The following PLCB1 variants were observed in gnomAD, a reference collection of about 807,000 sequenced individuals.
The protein encoded by PLCB1 is phospholipase C beta 1, also known as 1-phosphatidylinositol 4,5-bisphosphate phosphodiesterase beta-1.
A neutral mutation model predicts 161.8 loss-of-function variants in PLCB1; 46 were observed. The observed-to-expected ratio is 0.28, with a 90% CI of 0.22 to 0.36. The LOEUF is 0.36. Among genes scored for constraint, PLCB1 ranks in the 10% least tolerant of loss-of-function variants. PLCB1 has a pLI of 1.00. For missense variants in PLCB1, 1,016 were observed against 1,472.5 expected, an observed-to-expected ratio of 0.69 and a Z score of 5.07; for synonymous variants, 517 against 503.7, an observed-to-expected ratio of 1.03 and a Z score of -0.35.
intron 3 of PLCB1, among the ~76,000 whole-genome samples, chr20:8,471,453 G>T (rs1982049714): frequency 6.6e-6 from 1 of 152,162 alleles, no homozygotes; most frequent in Non-Finnish European, 1.5e-5. Context: ...CTCAGATTGT[G>T]ACAACTGGAC....
chr20:8,868,834 ATGT>A (rs1300528585), intron 31 of PLCB1, among the ~76,000 whole-genome samples: 1 of 151,980 alleles, frequency 6.6e-6, no homozygotes, highest in East Asian at 1.9e-4. Flanking sequence ...GGATTTCACC[ATGT>A]TGGCCAGGAT....
rs368328261 is a variant in PLCB1 at position 8,765,335 on chromosome 20, C to A, written c.2907C>A (p.Ser969=). 1 of 1,609,622 alleles carries A rather than the reference C, an allele frequency of 6.2e-7. No homozygotes were observed. The highest frequency in any genetic ancestry group is 8.5e-7 in the Non-Finnish European group (1 of 1,178,850). Residue 969 remains serine, a synonymous_variant, in exon 26 of 32, where the codon TCC becomes TCA. Transcript: ENST00000338037. The part of the protein sequence containing the change: ...YLRRRAALEK[S]AKKDSKKKSE... ...GAAGGAGAGCCGCTTTGGAAAAGTC[C>A]GCCAAAAAGGACAGTAAGAAAAAGT...
intron 22 of PLCB1, among the ~76,000 whole-genome samples, chr20:8,741,155 C>A (rs1288587092): frequency 6.6e-6 from 1 of 152,216 alleles, no homozygotes; most frequent in Non-Finnish European, 1.5e-5. Flanking sequence ...ATTCAGGGAT[C>A]CTGAGTTGAA....
intron 2 of PLCB1, among the ~76,000 whole-genome samples, chr20:8,275,694 T>C (rs899507547): frequency 9.9e-5 from 15 of 152,210 alleles, no homozygotes; most frequent in African/African-American, 3.1e-4. Flanking sequence ...GTTTTTATCT[T>C]CTGTCTTAAC....
chr20:8,271,534 TA>T (rs1982280560), intron 2 of PLCB1, among the ~76,000 whole-genome samples: 1 of 152,134 alleles, frequency 6.6e-6, no homozygotes, highest in Non-Finnish European at 1.5e-5. Flanking sequence ...TCATTGTTAT[TA>T]CTTTTTGAGT....
At chr20:8,137,203 T>C (rs2051358279) in intron 1 of PLCB1, among the ~76,000 whole-genome samples, 1 of 152,240 alleles carries the variant, frequency 6.6e-6, no homozygotes, top group South Asian at 2.1e-4. Flanking sequence ...TTAGAACTTT[T>C]GCATTATGTG....
chr20:8,253,924 A>T (rs2123228397), intron 2 of PLCB1, among the ~76,000 whole-genome samples: 1 of 152,140 alleles, frequency 6.6e-6, no homozygotes, highest in African/African-American at 2.4e-5. Context: ...CTCCAGCTGC[A>T]TCTATGTTGC....
chr20:8,670,556 T>G (rs143935755), intron 9 of PLCB1, among the ~76,000 whole-genome samples: 1 of 152,292 alleles, frequency 6.6e-6, no homozygotes, highest in East Asian at 1.9e-4. Flanking sequence ...ATAGCACAGT[T>G]TTTGCAATCA....
intron 3 of PLCB1, among the ~76,000 whole-genome samples, chr20:8,522,097 T>C (rs1984373806): frequency 6.6e-6 from 1 of 152,148 alleles, no homozygotes; most frequent in South Asian, 2.1e-4. Flanking sequence ...TCTGCTACTA[T>C]CCCCATGCAC....
intron 3 of PLCB1, among the ~76,000 whole-genome samples, chr20:8,385,952 G>A (rs1200316733): frequency 6.6e-6 from 1 of 152,186 alleles, no homozygotes; most frequent in Non-Finnish European, 1.5e-5. Flanking sequence ...CTCCTAGTTG[G>A]CCATCTTGGC....
intron 2 of PLCB1, among the ~76,000 whole-genome samples, chr20:8,191,581 G>A (rs995085477): frequency 6.6e-6 from 1 of 151,928 alleles, no homozygotes; most frequent in Non-Finnish European, 1.5e-5. Context: ...CAGTTGTGGT[G>A]TATGATTTTA....
intron 3 of PLCB1, among the ~76,000 whole-genome samples, chr20:8,497,244 T>G (rs1983217245): frequency 1.3e-5 from 2 of 152,200 alleles, no homozygotes; most frequent in South Asian, 4.1e-4. Context: ...CTTGGGTATA[T>G]ATGCTGCCTA....
rs552696921 is a variant in PLCB1 at position 8,862,062 on chromosome 20, A to G, written c.3424-19560A>G. Among the ~76,000 whole-genome samples, 24 of 152,308 alleles carry G rather than the reference A, an allele frequency of 1.6e-4. 1 individual carries two copies. The South Asian group carries it at 5.0e-3, about 32-fold the overall frequency. The stretch of plus-strand genomic sequence containing the variant: ...ATGTTATTATTTAATTATTATTTTA[A>G]TGCAAAAGCTATTTTCTTAAGGATA... On this transcript the variant is annotated intron_variant, in intron 31 of 31. Transcript: ENST00000338037.
At chr20:8,730,836 A>G (rs1980201577) in intron 18 of PLCB1, among the ~76,000 whole-genome samples, 1 of 151,608 alleles carries the variant, frequency 6.6e-6, no homozygotes, top group African/African-American at 2.4e-5. Context: ...TATTTATATT[A>G]TATTTTTAAC....
At chr20:8,796,650 A>G (rs529166703) in intron 31 of PLCB1, among the ~76,000 whole-genome samples, 51 of 152,322 alleles carry the variant, frequency 3.3e-4, no homozygotes, top group African/African-American at 1.2e-3. Flanking sequence ...TTTTGTCAAT[A>G]TAAAGAATTG....
chr20:8,737,602 C>G (rs987230127), intron 20 of PLCB1, among the ~76,000 whole-genome samples: 2 of 152,106 alleles, frequency 1.3e-5, no homozygotes, highest in Admixed American at 1.3e-4. Context: ...AATCTCTAGC[C>G]TCTGAGAGCT....
chr20:8,846,969 G>A (rs1248889992), intron 31 of PLCB1, among the ~76,000 whole-genome samples: 3 of 152,112 alleles, frequency 2.0e-5, no homozygotes, highest in Admixed American at 6.5e-5. Context: ...TCTGAGACAA[G>A]GACTCTCAAC....
Position 8,640,313 on chromosome 20 carries a change from C to T in PLCB1, c.385-5789C>T, listed in dbSNP as rs1988908231. ...TTAATGCCCAAGAATTGCGATTGCT[C>T]CCCTTTTTCTGTTTCACATACATCT... On this transcript the variant is annotated intron_variant, in intron 4 of 31. Transcript: ENST00000338037. Among the ~76,000 whole-genome samples the T allele has an allele frequency of 5.3e-5, 8 of 152,158 alleles. No individual in the cohort carries two copies. In the South Asian group the frequency reaches 1.2e-3, roughly 24 times the overall value.
At chr20:8,572,375 C>T (rs1281219162) in intron 3 of PLCB1, among the ~76,000 whole-genome samples, 3 of 152,128 alleles carry the variant, frequency 2.0e-5, no homozygotes, top group African/African-American at 7.2e-5. Flanking sequence ...TCATTATATT[C>T]AGTGTAATGG....
Sources: gnomAD v4.1 joint callset for allele counts (sites outside exome capture counted in the v4.1 genomes callset) on GRCh38, gnomAD v4.1.1 for gene constraint, MANE v1.5 for transcripts, NCBI Gene and HGNC (gene_info 2026-07-23, HGNC 2026-07-21) for gene names.